Variants in GPR89B observed in about 807,000 individuals in gnomAD.
GPR89B encodes G protein-coupled receptor 89B.
In GPR89B, 25 loss-of-function variants were observed where a neutral mutation model predicts 52.4. The ratio of observed to expected loss-of-function variants is 0.48; its 90% CI spans 0.35 to 0.67. The LOEUF (loss-of-function observed/expected upper bound fraction) is 0.67. Ranked by LOEUF, GPR89B falls within the 30% of genes least tolerant of loss-of-function variation. GPR89B has a pLI of 0.01. For missense variants in GPR89B, 146 were observed against 450.2 expected (o/e 0.32, Z 6.11); for synonymous variants, 52 against 151.2 (o/e 0.34, Z 4.81).
chr1:148,021,403 G>A, the GPR89B span, among the ~76,000 whole-genome samples: 1 of 151,918 alleles, frequency 6.6e-6, no homozygotes, highest in African/African-American at 2.4e-5. Flanking sequence ...TCAGGAGGCC[G>A]AGGCGGGAGA....
downstream of GPR89B, chr1:147,994,312 T>C: frequency 6.5e-7 from 1 of 1,528,940 alleles, no homozygotes; most frequent in East Asian, 2.3e-5. Context: ...CACATCTCTG[T>C]ATCTTCAGAA....
At chr1:147,936,389 C>T (rs1467629065) in intron 1 of GPR89B, among the ~76,000 whole-genome samples, 4 of 152,166 alleles carry the variant, frequency 2.6e-5, no homozygotes, top group African/African-American at 9.7e-5. Context: ...TATGTACTTC[C>T]ATTTTTGTCT....
chr1:147,984,813 A>G (rs1369080175), intron 10 of GPR89B, among the ~76,000 whole-genome samples: 3 of 151,586 alleles, frequency 2.0e-5, no homozygotes, highest in African/African-American at 7.3e-5. Context: ...GATCTTCCAA[A>G]TATTATTCTC....
chr1:147,975,721 G>T (rs1349437418), intron 10 of GPR89B, among the ~76,000 whole-genome samples: 1 of 152,158 alleles, frequency 6.6e-6, no homozygotes, highest in Non-Finnish European at 1.5e-5. Context: ...TTTGCTCTTG[G>T]TTCTCTAGTT....
the GPR89B span, among the ~76,000 whole-genome samples, chr1:148,020,566 T>A: frequency 1.3e-5 from 2 of 150,608 alleles, no homozygotes; most frequent in African/African-American, 5.0e-5. Context: ...TTGTGCCCTG[T>A]GGGTTTTACA....
chr1:148,014,223 C>G, the GPR89B span, among the ~76,000 whole-genome samples: 2 of 151,476 alleles, frequency 1.3e-5, no homozygotes, highest in Non-Finnish European at 2.9e-5. Flanking sequence ...TGTGCAGGTC[C>G]GAAGGAGACC....
the GPR89B span, among the ~76,000 whole-genome samples, chr1:148,019,615 A>G: frequency 6.6e-6 from 1 of 152,108 alleles, no homozygotes; most frequent in Non-Finnish European, 1.5e-5. Flanking sequence ...TAAAAAGGAA[A>G]GAAAATAAAC....
At chr1:148,008,819 G>A in the GPR89B span, among the ~76,000 whole-genome samples, 2 of 152,122 alleles carry the variant, frequency 1.3e-5, no homozygotes, top group Non-Finnish European at 2.9e-5. Flanking sequence ...TTACAGGAGG[G>A]TGGAAATTTT....
chr1:147,969,688 C>G (rs1296890436), intron 9 of GPR89B, 179 bp from the exon 10 acceptor site: 2 of 617,464 alleles, frequency 3.2e-6, no homozygotes, highest in Non-Finnish European at 5.8e-6. Context: ...ATCCCAGTCT[C>G]TAGCTAAAAG....
At chr1:148,018,262 CA>C in the GPR89B span, among the ~76,000 whole-genome samples, 2 of 140,804 alleles carry the variant, frequency 1.4e-5, no homozygotes, top group Admixed American at 6.9e-5. Flanking sequence ...ACTAAAAATA[CA>C]AAAAAAATAG....
chr1:147,987,220 A>G (rs1331759278), intron 11 of GPR89B, among the ~76,000 whole-genome samples: 1 of 152,206 alleles, frequency 6.6e-6, no homozygotes, highest in Non-Finnish European at 1.5e-5. Context: ...TATATAAATT[A>G]TATTAAGTAT....
chr1:148,015,621 TA>T, the GPR89B span, among the ~76,000 whole-genome samples: 1 of 141,678 alleles, frequency 7.1e-6, no homozygotes, highest in Non-Finnish European at 1.6e-5. Context: ...GCCTTCTCTC[TA>T]TTTTGTTTGT....
chr1:147,941,279 A>G (rs1224926427), intron 3 of GPR89B, among the ~76,000 whole-genome samples: 2 of 152,256 alleles, frequency 1.3e-5, no homozygotes, highest in Non-Finnish European at 2.9e-5. Flanking sequence ...TAGGCAGTCC[A>G]TACTGCCAAT....
intron 10 of GPR89B, among the ~76,000 whole-genome samples, chr1:147,983,498 C>T (rs1658423986): frequency 6.6e-6 from 1 of 152,108 alleles, no homozygotes; most frequent in South Asian, 2.1e-4. Context: ...CAAACAACCC[C>T]ATCAAAAAGT....
the GPR89B span, among the ~76,000 whole-genome samples, chr1:148,000,695 A>G: frequency 2.6e-5 from 4 of 151,470 alleles, no homozygotes; most frequent in East Asian, 1.9e-4. Context: ...TTTACAATCA[A>G]CACTTAGCAA....
At chr1:148,013,098 T>C in the GPR89B span, among the ~76,000 whole-genome samples, 1 of 152,104 alleles carries the variant, frequency 6.6e-6, no homozygotes, top group Admixed American at 6.5e-5. Context: ...CAATCTTACA[T>C]GCATTACCTT....
the GPR89B span, among the ~76,000 whole-genome samples, chr1:148,018,092 C>A: frequency 1.4e-5 from 2 of 147,520 alleles, 1 homozygote. Context: ...GGGAAAACAA[C>A]AAATTTACCC....
At chr1:147,963,908 G>C (rs1284056940) in intron 7 of GPR89B, among the ~76,000 whole-genome samples, 1 of 152,228 alleles carries the variant, frequency 6.6e-6, no homozygotes, top group East Asian at 1.9e-4. Context: ...TGAAAATTAC[G>C]CTGAGTGAAA....
At chr1:148,019,870 C>G in the GPR89B span, among the ~76,000 whole-genome samples, 1 of 151,824 alleles carries the variant, frequency 6.6e-6, no homozygotes, top group Non-Finnish European at 1.5e-5. Context: ...CCATTTATTC[C>G]CTCTTGTTTT....
Sources: allele counts gnomAD v4.1 joint callset (sites outside exome capture counted in the v4.1 genomes callset), GRCh38; gene constraint gnomAD v4.1.1; transcripts MANE v1.5; gene names NCBI Gene and HGNC (gene_info 2026-07-23, HGNC 2026-07-21).